LRMDA: variants seen among roughly 807,000 people sequenced by gnomAD.
The protein encoded by LRMDA is leucine-rich melanocyte differentiation-associated protein.
LRMDA carries 18 observed loss-of-function variants against 29.8 expected under a neutral mutation model. The ratio of observed to expected loss-of-function variants is 0.60; its 90% CI spans 0.42 to 0.90. The LOEUF (loss-of-function observed/expected upper bound fraction) is 0.90, where lower values mean the gene tolerates loss of function less well. LRMDA is among the 40% of genes least tolerant of loss of function. The pLI, the probability that LRMDA is intolerant of heterozygous loss-of-function variation, is 0.00. For missense variants in LRMDA, 273 were observed against 273.9 expected (o/e 1.00, Z 0.02); for synonymous variants, 125 against 109.4 (o/e 1.14, Z -0.89).
At chr10:76,219,247 A>C (rs376201801) in intron 5 of LRMDA, among the ~76,000 whole-genome samples, 20 of 152,280 alleles carry the variant, frequency 1.3e-4, no homozygotes, top group East Asian at 1.2e-3. Context: ...ATGACAGGAT[A>C]AAATTCACAC....
chr10:76,432,532 G>A (rs1842201822), intron 6 of LRMDA, among the ~76,000 whole-genome samples: 1 of 152,184 alleles, frequency 6.6e-6, no homozygotes, highest in South Asian at 2.1e-4. Context: ...AACAAGTGGT[G>A]ACCCATCAGG....
chr10:76,464,458 C>T (rs1321140069), intron 6 of LRMDA, among the ~76,000 whole-genome samples: 1 of 152,168 alleles, frequency 6.6e-6, no homozygotes, highest in African/African-American at 2.4e-5. Flanking sequence ...AGGACAATTT[C>T]TCAGACATGA....
In LRMDA at chr10:76,047,625, A is replaced by G. The variant is rs573104173; in HGVS notation, c.398+322A>G. 1.8e-4 allele frequency among the ~76,000 whole-genome samples: 28 copies of G among 152,336 alleles called. No homozygotes were observed. In the East Asian group the frequency reaches 5.4e-3, roughly 29 times the overall value. ...TCATAATGCAGAAGTAGTCATACAT[A>G]ATTTGTGAACAAATGGGCATGGCTT... On this transcript the variant is annotated intron_variant, in intron 4 of 6. Transcript: ENST00000611255.
intron 2 of LRMDA, among the ~76,000 whole-genome samples, chr10:75,939,466 TG>T (rs1305060545): frequency 1.3e-5 from 2 of 152,142 alleles, no homozygotes; most frequent in Non-Finnish European, 2.9e-5. Context: ...TCTGTGATTT[TG>T]GGGGGCTGGC....
intron 6 of LRMDA, among the ~76,000 whole-genome samples, chr10:76,483,524 G>A (rs914140196): frequency 1.7e-4 from 26 of 151,888 alleles, no homozygotes; most frequent in Non-Finnish European, 2.8e-4. Context: ...TAATCTGAAT[G>A]ATCTCCGGGG....
intron 2 of LRMDA, among the ~76,000 whole-genome samples, chr10:75,483,961 C>T (rs1414212395): frequency 6.6e-6 from 1 of 151,356 alleles, no homozygotes; most frequent in Non-Finnish European, 1.5e-5. Flanking sequence ...TCCCCACTGC[C>T]ACCCTTTTTT....
intron 5 of LRMDA, among the ~76,000 whole-genome samples, chr10:76,098,262 A>G (rs929388676): frequency 6.6e-5 from 10 of 152,302 alleles, no homozygotes; most frequent in Admixed American, 6.5e-4. Flanking sequence ...AGAATTCACT[A>G]GCAAATATAT....
chr10:76,375,971 C>T (rs1430402804), intron 6 of LRMDA, among the ~76,000 whole-genome samples: 4 of 151,840 alleles, frequency 2.6e-5, no homozygotes, highest in Non-Finnish European at 5.9e-5. Context: ...TGCTGTATCA[C>T]AGGACAGATG....
intron 2 of LRMDA, among the ~76,000 whole-genome samples, chr10:75,731,414 T>C (rs1003795465): frequency 1.3e-5 from 2 of 152,238 alleles, no homozygotes; most frequent in Admixed American, 6.5e-5. Context: ...TAACTATTTA[T>C]CTGTAAATGT....
intron 5 of LRMDA, among the ~76,000 whole-genome samples, chr10:76,116,547 T>C (rs1043209491): frequency 6.6e-6 from 1 of 152,010 alleles, no homozygotes; most frequent in African/African-American, 2.4e-5. Context: ...TAGATGTGAG[T>C]TTCCCAGCAA....
intron 5 of LRMDA, among the ~76,000 whole-genome samples, chr10:76,150,672 G>C (rs1850423988): frequency 6.6e-6 from 1 of 152,054 alleles, no homozygotes; most frequent in African/African-American, 2.4e-5. Flanking sequence ...TCGAGCCTTG[G>C]GCCTTTGTCT....
chr10:75,469,241 A>C lies in LRMDA; in HGVS notation c.131+30747A>C, dbSNP rs933600480. ...TTATGATGACATCACATGTTGCCCA[A>C]GCAGATCCTGTGAGAGGAAAATGGC... is the stretch of plus-strand genomic sequence containing the variant. On this transcript the variant is annotated intron_variant, in intron 2 of 6. Coordinates refer to ENST00000611255, the MANE Select transcript of LRMDA (RefSeq NM_001305581.2). 3.3e-5 allele frequency among the ~76,000 whole-genome samples: 5 copies of C among 151,654 alleles called. No homozygotes were observed. In the Admixed American group the frequency reaches 3.3e-4, roughly 10 times the overall value.
chr10:75,514,834 C>T (rs1180569581), intron 2 of LRMDA, among the ~76,000 whole-genome samples: 2 of 151,978 alleles, frequency 1.3e-5, no homozygotes, highest in African/African-American at 4.8e-5. Context: ...TTATAAATTA[C>T]CCACCTAACC....
In LRMDA at chr10:75,948,599, T is replaced by C. The variant is rs188479414; in HGVS notation, c.132-87409T>C. ...TAGATGAGCGTATGTTGGCGACAGATTAAAAAGACTAGTGTAAAGTCCATT... is the reference window on the plus strand; with the variant it reads ...TAGATGAGCGTATGTTGGCGACAGACTAAAAAGACTAGTGTAAAGTCCATT... On this transcript the variant is annotated intron_variant, in intron 2 of 6. Coordinates refer to ENST00000611255, the MANE Select transcript of LRMDA (RefSeq NM_001305581.2). 1.5e-3 allele frequency among the ~76,000 whole-genome samples: 224 copies of C among 152,234 alleles called. 1 individual carries two copies. The highest frequency in any genetic ancestry group is 5.2e-3 in the African/African-American group (217 of 41,540).
At chr10:75,860,385 G>A (rs1472771575) in intron 2 of LRMDA, among the ~76,000 whole-genome samples, 4 of 137,606 alleles carry the variant, frequency 2.9e-5, no homozygotes, top group South Asian at 2.3e-4. Flanking sequence ...GCAGTGGCGC[G>A]ATCTCTGCTC....
intron 5 of LRMDA, among the ~76,000 whole-genome samples, chr10:76,216,052 T>G (rs1427373492): frequency 6.6e-6 from 1 of 152,204 alleles, no homozygotes; most frequent in African/African-American, 2.4e-5. Flanking sequence ...AAAATCAGCT[T>G]TAAGAACAGA....
intron 6 of LRMDA, among the ~76,000 whole-genome samples, chr10:76,455,512 A>G (rs1297866568): frequency 6.6e-6 from 1 of 152,124 alleles, no homozygotes; most frequent in Non-Finnish European, 1.5e-5. Context: ...ATGGGCTAGG[A>G]TGAATGTCAC....
chr10:76,097,199 T>G (rs1387921074), intron 5 of LRMDA, among the ~76,000 whole-genome samples: 1 of 151,980 alleles, frequency 6.6e-6, no homozygotes, highest in African/African-American at 2.4e-5. Context: ...TTGGTAGAGA[T>G]GGGGTTTCAC....
intron 2 of LRMDA, among the ~76,000 whole-genome samples, chr10:75,784,637 T>A (rs1421445748): frequency 1.3e-5 from 2 of 150,754 alleles, no homozygotes; most frequent in Non-Finnish European, 2.9e-5. Flanking sequence ...AGGCGGAGCT[T>A]GCAGTGAGTG....
Sources: gnomAD v4.1 joint callset for allele counts (sites outside exome capture counted in the v4.1 genomes callset) on GRCh38, gnomAD v4.1.1 for gene constraint, MANE v1.5 for transcripts, NCBI Gene and HGNC (gene_info 2026-07-23, HGNC 2026-07-21) for gene names.